HCRTR2: variants seen among roughly 807,000 people sequenced by gnomAD.
HCRTR2 encodes the protein hypocretin receptor 2, also known as orexin receptor type 2.
HCRTR2 carries 22 observed loss-of-function variants against 49.0 expected under a neutral mutation model. The observed-to-expected ratio is 0.45, with a 90% CI of 0.32 to 0.64. The LOEUF is 0.64. Among genes scored for constraint, HCRTR2 ranks in the 30% least tolerant of loss-of-function variants. HCRTR2 has a pLI of 0.04. For missense variants in HCRTR2, 491 were observed against 559.4 expected (o/e 0.88, Z 1.23); for synonymous variants, 236 against 205.3 (o/e 1.15, Z -1.28).
chr6:55,270,652 TA>T (rs1327057671), intron 4 of HCRTR2, among the ~76,000 whole-genome samples: 1 of 152,190 alleles, frequency 6.6e-6, no homozygotes, highest in Admixed American at 6.5e-5. Flanking sequence ...CCAAAATTAT[TA>T]AAAATGTTAT....
intron 1 of HCRTR2, among the ~76,000 whole-genome samples, chr6:55,200,613 T>C (rs1242697598): frequency 1.3e-5 from 2 of 152,210 alleles, no homozygotes; most frequent in African/African-American, 4.8e-5. Context: ...GCCCTGCTTA[T>C]AATTTTCCAT....
At chr6:55,228,045 G>A (rs915587956) in intron 1 of HCRTR2, among the ~76,000 whole-genome samples, 1 of 152,054 alleles carries the variant, frequency 6.6e-6, no homozygotes, top group South Asian at 2.1e-4. Context: ...CAGTGAGGGA[G>A]GAGTCAATTA....
intron 1 of HCRTR2, among the ~76,000 whole-genome samples, chr6:55,211,228 G>T (rs946665370): frequency 2.0e-5 from 3 of 152,128 alleles, no homozygotes; most frequent in Admixed American, 6.6e-5. Flanking sequence ...CAGTCATTAA[G>T]CAAAGACTGA....
At chr6:55,219,111 G>A (rs569653135) in intron 1 of HCRTR2, among the ~76,000 whole-genome samples, 125 of 152,244 alleles carry the variant, frequency 8.2e-4, no homozygotes, top group Admixed American at 8.0e-3. Flanking sequence ...ATGAGCCACC[G>A]TGCTCAGGAC....
At chr6:55,169,975 C>G (rs1004979488), upstream of HCRTR2, among the ~76,000 whole-genome samples, 3 of 151,738 alleles carry the variant, frequency 2.0e-5, no homozygotes, top group Non-Finnish European at 2.9e-5. Context: ...GATGATCTCT[C>G]ACCAGGAATA....
downstream of HCRTR2, among the ~76,000 whole-genome samples, chr6:55,283,500 C>T (rs894863739): frequency 3.3e-5 from 5 of 151,918 alleles, no homozygotes; most frequent in East Asian, 7.7e-4. Flanking sequence ...GGCTGAGTAC[C>T]AGGTGGTTAA....
intron 5 of HCRTR2, among the ~76,000 whole-genome samples, chr6:55,279,304 G>A (rs2653350): frequency 0.54 from 82,433 of 151,476 alleles, 22,575 homozygotes; most frequent in Middle Eastern, 0.65. Flanking sequence ...ACTTTTTGCC[G>A]AATTAGTCAA....
In HCRTR2 at chr6:55,127,564, T is replaced by C. The variant is rs1764298981; in HGVS notation, c.-378+21019T>C. On this transcript the variant is annotated intron_variant, in intron 1 of 7. Transcript: ENST00000615358. The stretch of plus-strand genomic sequence containing the variant: ...AAGCCTCTCCTGCAGTATTTTGTGA[T>C]TGATCTGTGAGGTCTGAGAAATCTT... 2.0e-5 allele frequency among the ~76,000 whole-genome samples: 3 copies of C among 152,092 alleles called. No individual in the cohort carries two copies. The South Asian group carries it at 6.2e-4, about 31-fold the overall frequency.
At chr6:55,270,470 T>C (rs1360444247) in intron 4 of HCRTR2, among the ~76,000 whole-genome samples, 1 of 152,170 alleles carries the variant, frequency 6.6e-6, no homozygotes, top group Non-Finnish European at 1.5e-5. Flanking sequence ...ACCAACACAG[T>C]CCTTGAATCA....
intron 1 of HCRTR2, among the ~76,000 whole-genome samples, chr6:55,149,296 A>C (rs1764633692): frequency 6.6e-6 from 1 of 152,158 alleles, no homozygotes; most frequent in Non-Finnish European, 1.5e-5. Context: ...AGAAGTCATC[A>C]ATATGTTTCA....
chr6:55,255,923 T>C (rs1766644347), intron 3 of HCRTR2, among the ~76,000 whole-genome samples: 1 of 152,218 alleles, frequency 6.6e-6, no homozygotes, highest in African/African-American at 2.4e-5. Context: ...ACATTATTGC[T>C]ACTCGCATAA....
intron 1 of HCRTR2, among the ~76,000 whole-genome samples, chr6:55,191,277 A>C (rs1765310887): frequency 6.6e-6 from 1 of 152,220 alleles, no homozygotes; most frequent in Non-Finnish European, 1.5e-5. Flanking sequence ...TTTGCAAAAA[A>C]GTACAAATCA....
intron 2 of HCRTR2, among the ~76,000 whole-genome samples, chr6:55,250,395 T>C (rs563094090): frequency 6.6e-6 from 1 of 152,284 alleles, no homozygotes; most frequent in Non-Finnish European, 1.5e-5. Context: ...ATCTCTGTGG[T>C]ACTTCCAGAA....
rs1561982280 is a variant in HCRTR2 at position 55,133,690 on chromosome 6, TATC to T, written c.-378+27146_-378+27148del. The stretch of plus-strand genomic sequence containing the variant: ...CTATCTATCTATCTATCTATCTATC[TATC>T]TATCTATCTATATCTCCATCTAGGC... On this transcript the variant is annotated intron_variant, in intron 1 of 7. Transcript: ENST00000615358. 1.7e-4 allele frequency among the ~76,000 whole-genome samples: 26 copies of T among 150,330 alleles called. No homozygotes were observed. The East Asian group carries it at 4.6e-3, about 27-fold the overall frequency.
chr6:55,238,745 CAT>C (rs71690325), intron 1 of HCRTR2, among the ~76,000 whole-genome samples: 46,486 of 151,850 alleles, frequency 0.31, 8,558 homozygotes, highest in Non-Finnish European at 0.42. Context: ...ATAGATGAGA[CAT>C]AAAGTTGTGA....
chr6:55,166,518 C>G (rs1438547896), intron 1 of HCRTR2, among the ~76,000 whole-genome samples: 1 of 152,044 alleles, frequency 6.6e-6, no homozygotes, highest in Admixed American at 6.6e-5. Flanking sequence ...TGAAATATCA[C>G]TTTCCACCCA....
intron 1 of HCRTR2, among the ~76,000 whole-genome samples, chr6:55,133,928 A>G (rs1229394924): frequency 2.0e-5 from 3 of 151,864 alleles, no homozygotes; most frequent in Admixed American, 6.6e-5. Flanking sequence ...TATTACAAAC[A>G]GTTTTTCTTA....
At chr6:55,206,486 G>A (rs1352427133) in intron 1 of HCRTR2, among the ~76,000 whole-genome samples, 1 of 151,920 alleles carries the variant, frequency 6.6e-6, no homozygotes, top group Non-Finnish European at 1.5e-5. Flanking sequence ...TTTTCAAACA[G>A]AAACTAGAAT....
intron 1 of HCRTR2, among the ~76,000 whole-genome samples, chr6:55,113,934 A>G (rs1410763038): frequency 6.6e-6 from 1 of 151,816 alleles, no homozygotes; most frequent in African/African-American, 2.4e-5. Context: ...GAAATTTGGT[A>G]TATATAATGG....
Sources: gnomAD v4.1 joint callset for allele counts (sites outside exome capture counted in the v4.1 genomes callset) on GRCh38, gnomAD v4.1.1 for gene constraint, MANE v1.5 for transcripts, NCBI Gene and HGNC (gene_info 2026-07-23, HGNC 2026-07-21) for gene names.